The following CDC73 variants were observed in gnomAD, a reference collection of about 807,000 sequenced individuals.
CDC73 encodes the protein cell division cycle 73.
CDC73 carries 21 observed loss-of-function variants against 83.7 expected under a neutral mutation model. That is an observed-to-expected ratio of 0.25 (90% CI 0.18 to 0.36). The LOEUF (loss-of-function observed/expected upper bound fraction) is 0.36. Among genes scored for constraint, CDC73 ranks in the 10% least tolerant of loss-of-function variants. The probability of loss-of-function intolerance (pLI) is 1.00; values close to 1 mark genes in which losing one functional copy is unlikely to be tolerated. For synonymous variants in CDC73, 224 were observed against 212.9 expected, an observed-to-expected ratio of 1.05 and a Z score of -0.45; for missense variants, 342 against 653.3, an observed-to-expected ratio of 0.52 and a Z score of 5.19.
At chr1:193,193,642 A>AGGG (rs1676954536) in intron 10 of CDC73, among the ~76,000 whole-genome samples, 1 of 152,178 alleles carries the variant, frequency 6.6e-6, no homozygotes. Context: ...TTATTTGCTA[A>AGGG]TGAACATATT....
chr1:193,168,814 A>G (rs1178196454), intron 10 of CDC73, among the ~76,000 whole-genome samples: 1 of 152,164 alleles, frequency 6.6e-6, no homozygotes, highest in Non-Finnish European at 1.5e-5. Context: ...CGTGAGCCAC[A>G]GCGTCTGGCT....
intron 15 of CDC73, among the ~76,000 whole-genome samples, chr1:193,242,377 G>A (rs1390668380): frequency 1.3e-5 from 2 of 152,200 alleles, no homozygotes; most frequent in Admixed American, 6.5e-5. Context: ...AGGTGGGAAT[G>A]TGGACCATTA....
chr1:193,188,941 C>T (rs1261716657), intron 10 of CDC73, among the ~76,000 whole-genome samples: 2 of 150,672 alleles, frequency 1.3e-5, no homozygotes, highest in African/African-American at 4.9e-5. Context: ...CAACCTCTTT[C>T]TTTCTGTCTG....
chr1:193,132,413 A>G (rs751457492), intron 3 of CDC73, among the ~76,000 whole-genome samples: 2 of 152,176 alleles, frequency 1.3e-5, no homozygotes, highest in Non-Finnish European at 2.9e-5. Context: ...AAAGTTTAGA[A>G]CCCAGCAGTA....
chr1:193,124,126 T>G (rs754336360), intron 1 of CDC73, among the ~76,000 whole-genome samples: 3 of 152,244 alleles, frequency 2.0e-5, no homozygotes, highest in Non-Finnish European at 1.5e-5. Flanking sequence ...GTGAAGCCAG[T>G]GAAAAAGGAG....
At chr1:193,223,913 C>T (rs774191140) in intron 13 of CDC73, among the ~76,000 whole-genome samples, 14 of 149,586 alleles carry the variant, frequency 9.4e-5, no homozygotes, top group Non-Finnish European at 1.3e-4. Context: ...TTTTGAGGTA[C>T]ATGTAATATT....
At chr1:193,163,364 G>A (rs988370171) in intron 10 of CDC73, among the ~76,000 whole-genome samples, 4 of 151,816 alleles carry the variant, frequency 2.6e-5, no homozygotes, top group Admixed American at 1.3e-4. Context: ...AAAATTAGCC[G>A]AGCGTAGTGG....
chr1:193,226,775 T>C (rs889767500), intron 13 of CDC73, among the ~76,000 whole-genome samples: 29 of 152,258 alleles, frequency 1.9e-4, no homozygotes, highest in African/African-American at 5.8e-4. Context: ...TGGTCTGTAG[T>C]TTTCTTTTTT....
intron 13 of CDC73, among the ~76,000 whole-genome samples, chr1:193,218,804 A>G (rs1677413596): frequency 6.6e-6 from 1 of 152,220 alleles, no homozygotes; most frequent in Non-Finnish European, 1.5e-5. Flanking sequence ...AAACTATAAA[A>G]ACCCTAGGAA....
intron 10 of CDC73, among the ~76,000 whole-genome samples, chr1:193,158,088 ATATT>A (rs1384181148): frequency 6.6e-6 from 1 of 151,012 alleles, no homozygotes; most frequent in African/African-American, 2.4e-5. Context: ...ATAATTTATT[ATATT>A]TATTAATATA....
intron 11 of CDC73, among the ~76,000 whole-genome samples, chr1:193,205,994 C>T (rs1677182787): frequency 6.6e-6 from 1 of 152,046 alleles, no homozygotes; most frequent in Admixed American, 6.6e-5. Context: ...GAAAAGCCAC[C>T]ACCTGAGGAT....
chr1:193,240,739 C>T (rs1238280300), intron 15 of CDC73, among the ~76,000 whole-genome samples: 15 of 151,950 alleles, frequency 9.9e-5, no homozygotes, highest in Admixed American at 9.8e-4. Flanking sequence ...GCATATTAGT[C>T]CCTTGTTGGA....
chr1:193,166,901 T>G (rs959558687), intron 10 of CDC73, among the ~76,000 whole-genome samples: 1 of 152,156 alleles, frequency 6.6e-6, no homozygotes, highest in African/African-American at 2.4e-5. Context: ...ATGATAATAA[T>G]GTGCAATACT....
At chr1:193,209,413 C>CT (rs1316049093) in intron 11 of CDC73, among the ~76,000 whole-genome samples, 1 of 152,142 alleles carries the variant, frequency 6.6e-6, no homozygotes, top group African/African-American at 2.4e-5. Flanking sequence ...GATATAGAAA[C>CT]TATTATCTCT....
chr1:193,253,818 A>G lies in CDC73; in HGVS notation c.*3106A>G, dbSNP rs141516447. On this transcript the variant is annotated 3_prime_UTR_variant, in exon 17 of 17. Transcript: ENST00000367435. ...CTACACAGAAAAGTAAAAGTAAACT[A>G]TTCATTTAAATAAGATTCATTATCT... 1.3e-5 allele frequency: 3 copies of G among 229,184 alleles called. No individual in the cohort carries two copies. The highest frequency in any genetic ancestry group is 1.8e-4 in the South Asian group (1 of 5,496). The allele number at this position is 229,184 out of a possible 1,614,324, so 14.2% of individuals were successfully genotyped here. A position where few individuals can be genotyped will look rare whatever the true frequency, so the allele number is the denominator to read the frequency against.
At chr1:193,242,091 C>A (rs1677872085) in intron 15 of CDC73, among the ~76,000 whole-genome samples, 1 of 152,186 alleles carries the variant, frequency 6.6e-6, no homozygotes, top group South Asian at 2.1e-4. Flanking sequence ...TCATCATTGT[C>A]TGCAGGTTTG....
chr1:193,183,081 A>G (rs1449146910), intron 10 of CDC73, among the ~76,000 whole-genome samples: 1 of 151,996 alleles, frequency 6.6e-6, no homozygotes, highest in East Asian at 1.9e-4. Context: ...AATTACTTCT[A>G]GGAAATAGAA....
chr1:193,167,759 T>C (rs976226325), intron 10 of CDC73, among the ~76,000 whole-genome samples: 2 of 152,194 alleles, frequency 1.3e-5, no homozygotes, highest in African/African-American at 4.8e-5. Flanking sequence ...ATATTTATAT[T>C]GTATTCTTTT....
intron 10 of CDC73, among the ~76,000 whole-genome samples, chr1:193,192,152 A>G (rs1676930402): frequency 6.6e-6 from 1 of 152,238 alleles, no homozygotes; most frequent in Non-Finnish European, 1.5e-5. Flanking sequence ...ATAGAAAGCA[A>G]GTGTTGGGAG....
Sources: gnomAD v4.1 joint callset for allele counts (sites outside exome capture counted in the v4.1 genomes callset) on GRCh38, gnomAD v4.1.1 for gene constraint, MANE v1.5 for transcripts, NCBI Gene and HGNC (gene_info 2026-07-23, HGNC 2026-07-21) for gene names.